LNP1: variants seen among roughly 807,000 people sequenced by gnomAD.
The protein encoded by LNP1 is leukemia NUP98 fusion partner 1.
LNP1 carries 12 observed loss-of-function variants against 14.5 expected under a neutral mutation model. The observed-to-expected ratio is 0.83, with a 90% CI of 0.53 to 1.34. The LOEUF is 1.34. Among genes scored for constraint, LNP1 ranks in the 40% most tolerant of loss-of-function variants. LNP1 has a pLI of 0.00. For synonymous variants in LNP1, 75 were observed against 71.4 expected, an observed-to-expected ratio of 1.05 and a Z score of -0.26; for missense variants, 198 against 210.9, an observed-to-expected ratio of 0.94 and a Z score of 0.38.
At position 100,453,942 on chromosome 3, in the gene LNP1, C is replaced by T. The variant is rs141877463; in HGVS notation, c.388-1835C>T. Among the ~76,000 whole-genome samples, 17 of 152,190 alleles carry T rather than the reference C, an allele frequency of 1.1e-4. No homozygotes were observed. The East Asian group carries it at 2.7e-3, about 24-fold the overall frequency. On this transcript the variant is annotated intron_variant, in intron 3 of 3. Coordinates refer to ENST00000383693, the MANE Select transcript of LNP1 (RefSeq NM_001085451.2). Reference sequence around the variant, plus strand: ...GAAATTTGAAATCATGTGTTGCTACCGAGGTTCATGTCCCTGTGCTCTATT... The same window carrying T: ...GAAATTTGAAATCATGTGTTGCTACTGAGGTTCATGTCCCTGTGCTCTATT...
intron 1 of LNP1, among the ~76,000 whole-genome samples, chr3:100,427,090 A>G (rs1428088031): frequency 6.6e-6 from 1 of 152,040 alleles, no homozygotes; most frequent in Admixed American, 6.6e-5. Context: ...GTATGAGGCG[A>G]TGGGGTATTA....
chr3:100,445,575 G>GT (rs1707379697), intron 2 of LNP1, among the ~76,000 whole-genome samples: 1 of 152,204 alleles, frequency 6.6e-6, no homozygotes, highest in Admixed American at 6.5e-5. Flanking sequence ...GATACACGAT[G>GT]TAAGAACCTT....
chr3:100,401,979 C>G lies in LNP1; in HGVS notation c.-494C>G, dbSNP rs1389810291. 1 of 152,216 alleles carries G rather than the reference C, an allele frequency of 6.6e-6. No homozygotes were observed. Among genetic ancestry groups the G allele is most frequent in the Non-Finnish European group, 1.5e-5 (1 of 68,042 alleles). 9.4% of individuals were successfully genotyped at this position (152,216 alleles called of 1,614,324 possible). A position where few individuals can be genotyped will look rare whatever the true frequency, so the allele number is the denominator to read the frequency against. ...TTGTATCTTGAGCTGATTTCTGCGTCAGCCCACATCTCGCTCTGATCCGCA... is the reference window on the plus strand; with the variant it reads ...TTGTATCTTGAGCTGATTTCTGCGTGAGCCCACATCTCGCTCTGATCCGCA... On this transcript the variant is annotated 5_prime_UTR_variant, in exon 1 of 4. An upstream open reading frame in the 5' UTR gains an earlier in-frame stop. Transcript: ENST00000383693.
chr3:100,451,996 A>G (rs1017698844), intron 3 of LNP1, 47 bp downstream of exon 3: 1 of 1,324,544 alleles, frequency 7.5e-7, no homozygotes, highest in Non-Finnish European at 1.0e-6. Context: ...AAAAAAGGAA[A>G]CCCAAAGGTT....
intron 2 of LNP1, among the ~76,000 whole-genome samples, chr3:100,444,673 A>G (rs1393918045): frequency 6.6e-6 from 1 of 152,232 alleles, no homozygotes; most frequent in Non-Finnish European, 1.5e-5. Flanking sequence ...ATTTAACCAA[A>G]GTAATAACTC....
chr3:100,453,424 T>TAA (rs778105596), intron 3 of LNP1, among the ~76,000 whole-genome samples: 1 of 134,214 alleles, frequency 7.5e-6, no homozygotes, highest in African/African-American at 2.8e-5. Flanking sequence ...CTACGAAAAT[T>TAA]AAAAAAAAAA....
At chr3:100,414,157 T>C (rs563435863) in intron 1 of LNP1, among the ~76,000 whole-genome samples, 3 of 152,358 alleles carry the variant, frequency 2.0e-5, no homozygotes, top group Admixed American at 2.0e-4. Flanking sequence ...CTCAGGAATT[T>C]GGACGTGGCT....
At chr3:100,418,742 G>A (rs947129180) in intron 1 of LNP1, among the ~76,000 whole-genome samples, 2 of 152,040 alleles carry the variant, frequency 1.3e-5, no homozygotes, top group Non-Finnish European at 2.9e-5. Context: ...TTGCAGTTTT[G>A]ATTCCACTCT....
chr3:100,432,827 T>C (rs1384839484), intron 2 of LNP1, among the ~76,000 whole-genome samples: 1 of 152,202 alleles, frequency 6.6e-6, no homozygotes, highest in African/African-American at 2.4e-5. Flanking sequence ...CATGGTTCTG[T>C]TAACATTGTT....
At chr3:100,451,643 T>A in intron 2 of LNP1, 76 bp from the exon 3 acceptor site, 1 of 723,676 alleles carries the variant, frequency 1.4e-6, no homozygotes. Flanking sequence ...TAGTTACTAG[T>A]TTATAAACAT....
chr3:100,430,199 ATGCTATACTTAGTC>A (rs780752143), intron 2 of LNP1, among the ~76,000 whole-genome samples: 26 of 152,350 alleles, frequency 1.7e-4, no homozygotes, highest in Non-Finnish European at 3.1e-4. Context: ...AAGAAACTTG[ATGCTATACTTAGTC>A]TGTGTAGCCT....
intron 2 of LNP1, among the ~76,000 whole-genome samples, chr3:100,447,214 G>A (rs1001207602): frequency 3.3e-5 from 5 of 152,138 alleles, no homozygotes; most frequent in East Asian, 1.9e-4. Flanking sequence ...GTCCATCAGC[G>A]ATAGACTGGA....
chr3:100,405,268 A>C (rs7641630), intron 1 of LNP1, among the ~76,000 whole-genome samples: 22,783 of 152,148 alleles, frequency 0.15, 3,147 homozygotes, highest in East Asian at 0.49. Flanking sequence ...GTCTTCAACA[A>C]ATTCAACTTT....
chr3:100,434,520 T>G (rs1335633716), intron 2 of LNP1, among the ~76,000 whole-genome samples: 8 of 152,028 alleles, frequency 5.3e-5, no homozygotes, highest in Admixed American at 1.3e-4. Context: ...TGCCTCCTTT[T>G]TTTTTTCTTC....
intron 2 of LNP1, among the ~76,000 whole-genome samples, chr3:100,443,839 CCAAA>C (rs1439632512): frequency 2.0e-5 from 3 of 152,116 alleles, no homozygotes; most frequent in South Asian, 2.1e-4. Flanking sequence ...AAGAATACTC[CCAAA>C]CAGTTTCCAA....
At chr3:100,406,043 T>C (rs1706962358) in intron 1 of LNP1, among the ~76,000 whole-genome samples, 1 of 152,164 alleles carries the variant, frequency 6.6e-6, no homozygotes, top group Non-Finnish European at 1.5e-5. Flanking sequence ...CCCAACACTT[T>C]GGGAGGCCGA....
intron 2 of LNP1, among the ~76,000 whole-genome samples, chr3:100,447,666 A>G (rs945440347): frequency 1.3e-5 from 2 of 152,184 alleles, no homozygotes. Context: ...CAACATGCTT[A>G]GATTTTCTGG....
intron 2 of LNP1, among the ~76,000 whole-genome samples, chr3:100,448,119 T>A (rs191192210): frequency 2.0e-5 from 3 of 152,264 alleles, no homozygotes; most frequent in African/African-American, 7.2e-5. Flanking sequence ...ACTGTGATAG[T>A]CATCATTTAA....
chr3:100,424,830 A>G (rs1707177342), intron 1 of LNP1, among the ~76,000 whole-genome samples: 1 of 152,202 alleles, frequency 6.6e-6, no homozygotes, highest in African/African-American at 2.4e-5. Context: ...AAGGCATTTT[A>G]TAGCAAAATT....
Sources: gnomAD v4.1 joint callset for allele counts (sites outside exome capture counted in the v4.1 genomes callset) on GRCh38, gnomAD v4.1.1 for gene constraint, MANE v1.5 for transcripts, NCBI Gene and HGNC (gene_info 2026-07-23, HGNC 2026-07-21) for gene names.